GRSF1: variants seen among roughly 807,000 people sequenced by gnomAD.
GRSF1 encodes G-rich sequence factor 1.
In GRSF1, 50 loss-of-function variants were observed where a neutral mutation model predicts 51.1. The ratio of observed to expected loss-of-function variants is 0.98; its 90% CI spans 0.78 to 1.24. The LOEUF is 1.24. GRSF1 is among the 50% of genes most tolerant of loss of function. The pLI is 0.00. For missense variants in GRSF1, 700 were observed against 639.7 expected, an observed-to-expected ratio of 1.09 and a Z score of -1.02; for synonymous variants, 293 against 253.3, an observed-to-expected ratio of 1.16 and a Z score of -1.49.
Position 70,827,988 on chromosome 4 carries a change from G to T in GRSF1, c.999C>A (p.Val333=). ...CGATTTTCTTTCCCTTATAAGAACCGACATGTGTTCGAACTTCATTCCTTC... is the reference window on the plus strand; with the variant it reads ...CGATTTTCTTTCCCTTATAAGAACCTACATGTGTTCGAACTTCATTCCTTC... ...PSRRNEVRTH[V]GSYKGKKIAS... The change falls in exon 6 of 10, where the codon GTC becomes GTA. Residue 333 remains valine (V), a synonymous_variant. Coordinates refer to ENST00000254799, the MANE Select transcript of GRSF1 (RefSeq NM_002092.4). 6.2e-7 allele frequency: 1 copy of T among 1,613,228 alleles called. No individual in the cohort carries two copies. Among genetic ancestry groups the T allele is most frequent in the Non-Finnish European group, 8.5e-7 (1 of 1,179,376 alleles).
At chr4:70,827,782 A>C in intron 6 of GRSF1, 70 bp downstream of exon 6, 1 of 1,199,372 alleles carries the variant, frequency 8.3e-7, no homozygotes, top group Non-Finnish European at 1.2e-6. Context: ...CATCTCAAAA[A>C]AAAAAAAATC....
intron 5 of GRSF1, among the ~76,000 whole-genome samples, chr4:70,829,139 C>G (rs1733857959): frequency 6.6e-6 from 1 of 152,200 alleles, no homozygotes; most frequent in Non-Finnish European, 1.5e-5. Context: ...GATCCTCCCA[C>G]TTCGGCCTCC....
intron 1 of GRSF1, among the ~76,000 whole-genome samples, chr4:70,836,645 C>T (rs944012766): frequency 5.9e-5 from 9 of 152,164 alleles, no homozygotes; most frequent in Non-Finnish European, 1.3e-4. Flanking sequence ...ATTGCCCCTA[C>T]ACACAGTGTT....
intron 1 of GRSF1, 161 bp downstream of exon 1, chr4:70,839,310 G>A (rs1486172543): frequency 1.1e-5 from 16 of 1,501,592 alleles, no homozygotes; most frequent in East Asian, 2.6e-5. Context: ...TTGTTCCAGG[G>A]CCCAATAGGA....
At chr4:70,826,716 T>C (rs552381627) in intron 6 of GRSF1, among the ~76,000 whole-genome samples, 2 of 152,064 alleles carry the variant, frequency 1.3e-5, no homozygotes, top group African/African-American at 4.8e-5. Flanking sequence ...GGCATGGTGA[T>C]GCATGCCTAT....
At chr4:70,821,806 G>A (rs1373261597) in intron 9 of GRSF1, among the ~76,000 whole-genome samples, 7 of 151,328 alleles carry the variant, frequency 4.6e-5, no homozygotes, top group Admixed American at 4.6e-4. Flanking sequence ...CTTCCCAGTA[G>A]CTGGAACTAC....
rs371741456 is a variant in GRSF1, at chr4:70,817,186, T to A, written c.*3701A>T. On this transcript the variant is annotated 3_prime_UTR_variant, in exon 10 of 10. Transcript: ENST00000254799. ...CTTCAAGTTTATTTCCTTCAAAAAA[T>A]AAAATATAAACAACTTTAAAATGAG... The A allele has an allele frequency of 6.6e-6, 1 of 150,984 alleles. No homozygotes were observed. The highest frequency in any genetic ancestry group is 2.4e-5 in the African/African-American group (1 of 41,022). 9.4% of individuals were successfully genotyped at this position (150,984 alleles called of 1,614,324 possible). A position where few individuals can be genotyped will look rare whatever the true frequency, so the allele number is the denominator to read the frequency against.
rs549630200 is a variant in GRSF1 at position 70,823,812 on chromosome 4, G to A, written c.*25+482C>T. 1.6e-4 allele frequency among the ~76,000 whole-genome samples: 25 copies of A among 152,144 alleles called. No individual in the cohort carries two copies. In the East Asian group the frequency reaches 4.4e-3, roughly 27 times the overall value. ...CTGAGCCCAGAAGGTTGAAGCTGCA[G>A]TGAGCTATGATCGCACCACTGCTAG... On this transcript the variant is annotated intron_variant, in intron 9 of 9. Coordinates refer to ENST00000254799, the MANE Select transcript of GRSF1 (RefSeq NM_002092.4).
chr4:70,837,987 T>C (rs913155494), intron 1 of GRSF1, among the ~76,000 whole-genome samples: 2 of 151,694 alleles, frequency 1.3e-5, no homozygotes, highest in African/African-American at 4.8e-5. Flanking sequence ...ATCCCAGCAC[T>C]TTGGGAGGCA....
At chr4:70,824,502 C>T in intron 8 of GRSF1, 134 bp from the exon 9 acceptor site, 1 of 587,634 alleles carries the variant, frequency 1.7e-6, no homozygotes, top group Non-Finnish European at 3.1e-6. Context: ...AAAATTTAGG[C>T]CAGACACGGT....
rs780579240 is a variant in GRSF1 at position 70,839,558 on chromosome 4, G to A, written c.270C>T (p.Ala90=). Reference sequence around the variant, plus strand: ...CACGGAGGGCAGAGTAGGACGCGGCGGCCGCGGCCGCGGCAGAGGTGGCCA... The same window carrying A: ...CACGGAGGGCAGAGTAGGACGCGGCAGCCGCGGCCGCGGCAGAGGTGGCCA... The part of the protein sequence containing the change: ...PAVATSAAAA[A]AASYSALRAS... Residue 90 remains alanine, a synonymous_variant, in exon 1 of 10, where the codon GCC becomes GCT. Transcript: ENST00000254799. 2.8e-5 allele frequency: 40 copies of A among 1,421,930 alleles called. No individual in the cohort carries two copies. The South Asian group carries it at 4.3e-4, about 15-fold the overall frequency. 88.1% of individuals were successfully genotyped at this position (1,421,930 alleles called of 1,614,324 possible).
chr4:70,840,447 G>A (rs538599327), upstream of GRSF1, among the ~76,000 whole-genome samples: 1 of 152,294 alleles, frequency 6.6e-6, no homozygotes, highest in African/African-American at 2.4e-5. Context: ...GCAACACGGT[G>A]AAATCCCGTC....
In GRSF1 at chr4:70,839,578, T is replaced by A; in HGVS notation, c.250A>T (p.Thr84Ser). The A allele has an allele frequency of 1.4e-6, 2 of 1,417,584 alleles. No homozygotes were observed. Among genetic ancestry groups the A allele is most frequent in the South Asian group, 1.5e-5 (1 of 68,954 alleles). The allele number at this position is 1,417,584 out of a possible 1,614,324, so 87.8% of individuals were successfully genotyped here. A position where few individuals can be genotyped will look rare whatever the true frequency, so the allele number is the denominator to read the frequency against. ...GCGGCGGCCGCGGCCGCGGCAGAGGTGGCCACAGCGGGAGGCCCCGCCAGC... is the reference window on the plus strand; with the variant it reads ...GCGGCGGCCGCGGCCGCGGCAGAGGAGGCCACAGCGGGAGGCCCCGCCAGC... ...GRLAGPPAVA[T>S]SAAAAAAASY... Residue 84 changes from threonine to serine, a missense_variant, in exon 1 of 10, where the codon ACC becomes TCC. Transcript: ENST00000254799.
At position 70,839,590 on chromosome 4, in the gene GRSF1, G is replaced by A. The variant is rs1251775468; in HGVS notation, c.238C>T (p.Pro80Ser). The change falls in exon 1 of 10, where the codon CCC becomes TCC. Residue 80 changes from proline to serine, a missense_variant. Transcript: ENST00000254799. ...PVPPGRLAGP[P>S]AVATSAAAAA... The stretch of plus-strand genomic sequence containing the variant: ...GCCGCGGCAGAGGTGGCCACAGCGG[G>A]AGGCCCCGCCAGCCTCCCGGGAGGC... 1.4e-6 allele frequency: 2 copies of A among 1,416,552 alleles called. No homozygotes were observed. Among genetic ancestry groups the A allele is most frequent in the East Asian group, 6.2e-5 (2 of 32,264 alleles). 87.7% of individuals were successfully genotyped at this position (1,416,552 alleles called of 1,614,324 possible). A position where few individuals can be genotyped will look rare whatever the true frequency, so the allele number is the denominator to read the frequency against.
chr4:70,821,038 G>A (rs568721749), intron 9 of GRSF1, among the ~76,000 whole-genome samples, 177 bp from the exon 10 acceptor site: 2 of 152,224 alleles, frequency 1.3e-5, no homozygotes, highest in South Asian at 2.1e-4. Flanking sequence ...TTACAGGCTG[G>A]TACAAAAAAC....
At chr4:70,834,546 A>C (rs961085622) in intron 2 of GRSF1, among the ~76,000 whole-genome samples, 2 of 152,230 alleles carry the variant, frequency 1.3e-5, no homozygotes, top group African/African-American at 4.8e-5. Flanking sequence ...GGACTGCTAC[A>C]TAGGTAAACC....
Position 70,816,097 on chromosome 4 carries a change from G to A in GRSF1, c.*4790C>T, listed in dbSNP as rs1733298389. The A allele has an allele frequency of 6.6e-6, 1 of 152,202 alleles. No individual in the cohort carries two copies. Among genetic ancestry groups the A allele is most frequent in the Admixed American group, 6.5e-5 (1 of 15,274 alleles). 9.4% of individuals were successfully genotyped at this position (152,202 alleles called of 1,614,324 possible). A position where few individuals can be genotyped will look rare whatever the true frequency, so the allele number is the denominator to read the frequency against. On this transcript the variant is annotated 3_prime_UTR_variant, in exon 10 of 10. Coordinates refer to ENST00000254799, the MANE Select transcript of GRSF1 (RefSeq NM_002092.4). ...CCAGGGGAGGGAAGAAGGGACAGGA[G>A]AGAGAGGTGCAGGAATTGACTAGGT...
upstream of GRSF1, among the ~76,000 whole-genome samples, chr4:70,842,896 C>T (rs971024272): frequency 6.6e-6 from 1 of 152,082 alleles, no homozygotes; most frequent in South Asian, 2.1e-4. Context: ...ATTAGCTGGG[C>T]GTGGTGACAC....
At chr4:70,832,625 C>T (rs1333985219) in intron 3 of GRSF1, among the ~76,000 whole-genome samples, 175 bp from the exon 4 acceptor site, 1 of 152,178 alleles carries the variant, frequency 6.6e-6, no homozygotes, top group Non-Finnish European at 1.5e-5. Flanking sequence ...ACCATGCGGG[C>T]ATAACTTCTT....
Sources: allele counts gnomAD v4.1 joint callset (sites outside exome capture counted in the v4.1 genomes callset), GRCh38; gene constraint gnomAD v4.1.1; transcripts MANE v1.5; gene names NCBI Gene and HGNC (gene_info 2026-07-23, HGNC 2026-07-21).